Variants in ANK3 observed in about 807,000 individuals in gnomAD.
The protein encoded by ANK3 is ankyrin 3.
In ANK3, 57 loss-of-function variants were observed where a neutral mutation model predicts 370.9. That is an observed-to-expected ratio of 0.15 (90% CI 0.12 to 0.19). The LOEUF is 0.19. Ranked by LOEUF, ANK3 falls within the 10% of genes least tolerant of loss-of-function variation. ANK3 has a pLI of 1.00. For synonymous variants in ANK3, 1,929 were observed against 1,946.3 expected, an observed-to-expected ratio of 0.99 and a Z score of 0.23; for missense variants, 4,439 against 5,302.1, an observed-to-expected ratio of 0.84 and a Z score of 5.06.
chr10:60,516,325 G>C (rs2076218206), intron 2 of ANK3, among the ~76,000 whole-genome samples: 1 of 152,082 alleles, frequency 6.6e-6, no homozygotes, highest in Non-Finnish European at 1.5e-5. Flanking sequence ...AAATCCATGG[G>C]ACTGAGGGCA....
intron 1 of ANK3, among the ~76,000 whole-genome samples, chr10:60,355,440 C>T (rs1207905264): frequency 6.6e-6 from 1 of 152,054 alleles, no homozygotes; most frequent in African/African-American, 2.4e-5. Context: ...AGTGGCACCA[C>T]TAGTTTTTAT....
At chr10:60,119,333 T>G (rs745385526) in intron 25 of ANK3, among the ~76,000 whole-genome samples, 14 of 152,238 alleles carry the variant, frequency 9.2e-5, no homozygotes, top group Non-Finnish European at 1.8e-4. Context: ...CTCCTACAGA[T>G]TAGAATCTAC....
At position 60,555,455 on chromosome 10, in the gene ANK3, A is replaced by G. The variant is rs551680727; in HGVS notation, c.96+59731T>C. Among the ~76,000 whole-genome samples, 4 of 152,248 alleles carry G rather than the reference A, an allele frequency of 2.6e-5. No individual in the cohort carries two copies. In the South Asian group the frequency reaches 8.3e-4, roughly 32 times the overall value. ...GCCACTGTATTGCAGCCTGAGTAAC[A>G]GAGTGGGACCCTGTCTCCAAAAATT... On this transcript the variant is annotated intron_variant, in intron 2 of 43. Coordinates refer to the ANK3 transcript ENST00000373827.
chr10:60,564,279 G>A (rs1365531632), intron 2 of ANK3, among the ~76,000 whole-genome samples: 1 of 152,130 alleles, frequency 6.6e-6, no homozygotes, highest in Non-Finnish European at 1.5e-5. Context: ...AAATGGAAAA[G>A]GATTAACATG....
At chr10:60,560,078 G>A (rs540384183) in intron 2 of ANK3, among the ~76,000 whole-genome samples, 2 of 152,028 alleles carry the variant, frequency 1.3e-5, no homozygotes, top group African/African-American at 4.8e-5. Context: ...GAGAGAGAGA[G>A]AGAGATAGAA....
rs537093045 is a variant in ANK3, at chr10:60,198,385, G to A, written c.1644C>T (p.Ala548=). 1.2e-4 allele frequency: 197 copies of A among 1,614,204 alleles called. No homozygotes were observed. The highest frequency in any genetic ancestry group is 9.9e-4 in the Middle Eastern group (6 of 6,058). Residue 548 remains alanine, a synonymous_variant, in exon 14 of 44, where the codon GCC becomes GCT. Transcript: ENST00000280772. The stretch of plus-strand genomic sequence containing the variant: ...ACGCTCCATGATCCAAAAGGAACGC[G>A]GCCACATCCTCATGCCCCTCTCGGG... ...LSAREGHEDV[A]AFLLDHGASL...
At chr10:60,516,885 C>A (rs1227378819) in intron 2 of ANK3, among the ~76,000 whole-genome samples, 1 of 152,086 alleles carries the variant, frequency 6.6e-6, no homozygotes, top group Non-Finnish European at 1.5e-5. Context: ...GGAGACAATG[C>A]TCTTCTTAAA....
intron 28 of ANK3, among the ~76,000 whole-genome samples, chr10:60,096,140 T>TG (rs574755809): frequency 3.0e-4 from 46 of 152,146 alleles, no homozygotes; most frequent in Admixed American, 2.6e-3. Context: ...GCCACTGCAC[T>TG]GCAGCCTGGG....
At chr10:60,572,523 C>T (rs1365979594) in intron 2 of ANK3, 1 of 1,535,674 alleles carries the variant, frequency 6.5e-7, no homozygotes. Context: ...TGGTTCTTCA[C>T]TCATCTTTCC....
chr10:60,601,837 C>A (rs2078069040), intron 2 of ANK3, among the ~76,000 whole-genome samples: 2 of 152,094 alleles, frequency 1.3e-5, no homozygotes, highest in South Asian at 4.1e-4. Flanking sequence ...GCTTTTACAA[C>A]TTTTCAGTAA....
intron 2 of ANK3, among the ~76,000 whole-genome samples, chr10:60,539,253 T>C (rs2076792526): frequency 6.6e-6 from 1 of 151,976 alleles, no homozygotes; most frequent in South Asian, 2.1e-4. Context: ...ATAAAATTGA[T>C]CCACAGGAAG....
At position 60,075,951 on chromosome 10, in the gene ANK3, G is replaced by A; in HGVS notation, c.4930C>T (p.Pro1644Ser). 1 of 1,614,128 alleles carries A rather than the reference G, an allele frequency of 6.2e-7. No individual in the cohort carries two copies. Among genetic ancestry groups the A allele is most frequent in the Non-Finnish European group, 8.5e-7 (1 of 1,180,002 alleles). Residue 1644 changes from proline to serine, a missense_variant, in exon 37 of 44, where the codon CCT becomes TCT. Pro to Ser is a moderately conservative substitution (Grantham distance 74). This residue lies in a region of ANK3 where 679 missense variants were observed against 791.0 expected (regional missense o/e 0.86). Coordinates refer to ENST00000280772, the MANE Select transcript of ANK3 (RefSeq NM_020987.5). ...TTAATGTTTGATTTGGGGGAGGCAG[G>A]GGGTGTCATAGTAATTGATGACCTC... ...LERSSITMTPPASPKSNINMY... is the reference protein window; with the variant it reads ...LERSSITMTPSASPKSNINMY...
At chr10:60,615,264 G>C in intron 1 of ANK3, 1 of 1,413,308 alleles carries the variant, frequency 7.1e-7, no homozygotes, top group Non-Finnish European at 9.5e-7. Context: ...AAACATGAAA[G>C]AATTCCATAT....
chr10:60,179,248 C>T (rs576231204), intron 18 of ANK3, among the ~76,000 whole-genome samples: 125 of 152,282 alleles, frequency 8.2e-4, no homozygotes, highest in Non-Finnish European at 9.1e-4. Context: ...CATGGCTTCA[C>T]TTCCTTTTGG....
intron 2 of ANK3, among the ~76,000 whole-genome samples, chr10:60,594,433 CTT>C (rs1052821994): frequency 2.6e-5 from 4 of 152,180 alleles, no homozygotes; most frequent in Non-Finnish European, 5.9e-5. Context: ...ACCTTATGAA[CTT>C]CTTCGAAAAA....
At chr10:60,547,529 T>C (rs993140890) in intron 2 of ANK3, among the ~76,000 whole-genome samples, 1 of 151,918 alleles carries the variant, frequency 6.6e-6, no homozygotes, top group Non-Finnish European at 1.5e-5. Context: ...CCAAGTAATG[T>C]AGCTGGGATA....
At chr10:60,622,836 T>C (rs779980902) in intron 1 of ANK3, among the ~76,000 whole-genome samples, 18 of 152,312 alleles carry the variant, frequency 1.2e-4, no homozygotes, top group Non-Finnish European at 2.6e-4. Flanking sequence ...CGGAACCCAG[T>C]CAAATCCTTT....
intron 1 of ANK3, among the ~76,000 whole-genome samples, chr10:60,384,552 T>C (rs771747050): frequency 1.3e-5 from 2 of 152,202 alleles, no homozygotes; most frequent in Non-Finnish European, 2.9e-5. Flanking sequence ...CTGTCCAAAT[T>C]GGAATCTTAG....
intron 1 of ANK3, among the ~76,000 whole-genome samples, chr10:60,704,524 GA>G (rs56978047): frequency 6.6e-5 from 10 of 150,852 alleles, no homozygotes; most frequent in South Asian, 2.1e-4. Context: ...AAAACTCAGA[GA>G]AAAAAAAATA....
Sources: gnomAD v4.1 joint callset for allele counts (sites outside exome capture counted in the v4.1 genomes callset) on GRCh38, gnomAD v4.1.1 for gene constraint, gnomAD v4.1.1 regional missense constraint, MANE v1.5 for transcripts, NCBI Gene and HGNC (gene_info 2026-07-23, HGNC 2026-07-21) for gene names.